Variants in HSP90AA1 observed in about 807,000 individuals in gnomAD.
The protein encoded by HSP90AA1 is heat shock protein HSP 90-alpha.
A neutral mutation model predicts 73.3 loss-of-function variants in HSP90AA1; 18 were observed. The observed-to-expected ratio is 0.25, with a 90% CI of 0.17 to 0.36. The LOEUF is 0.36. Among genes scored for constraint, HSP90AA1 ranks in the 10% least tolerant of loss-of-function variants. The probability of loss-of-function intolerance (pLI) is 1.00; values close to 1 mark genes in which losing one functional copy is unlikely to be tolerated. For missense variants in HSP90AA1, 704 were observed against 874.2 expected (o/e 0.81, Z 2.45); for synonymous variants, 477 against 296.9 (o/e 1.61, Z -6.24).
chr14:102,091,274 A>G (rs1259468228), upstream of HSP90AA1, among the ~76,000 whole-genome samples: 3 of 152,118 alleles, frequency 2.0e-5, no homozygotes, highest in African/African-American at 7.2e-5. Flanking sequence ...ACCCAGAGCA[A>G]GGGCCTCCAG....
chr14:102,083,837 C>CTT lies in HSP90AA1; in HGVS notation c.1292_1293dup (p.Glu432LysfsTer15), dbSNP rs2049155270. 1 of 1,613,302 alleles carries CTT rather than the reference C, an allele frequency of 6.2e-7. No homozygotes were observed. The highest frequency in any genetic ancestry group is 8.5e-7 in the Non-Finnish European group (1 of 1,179,862). ...TGCTCATAGAATTTCTTGTAGTTCT[C>CTT]TTTATCTTCCGCCAGTTCAGTAAAG... On this transcript the variant is annotated frameshift_variant, in exon 7 of 11. Transcript: ENST00000216281. LOFTEE classifies it high-confidence loss of function.
chr14:102,129,756 GC>G (rs2049884985), intron 1 of HSP90AA1, among the ~76,000 whole-genome samples: 2 of 151,458 alleles, frequency 1.3e-5, no homozygotes, highest in Admixed American at 1.3e-4. Flanking sequence ...GCCTGCCTTG[GC>G]CTCCCAAAGT....
intron 2 of HSP90AA1, chr14:102,101,805 T>G: frequency 6.4e-6 from 8 of 1,244,678 alleles, no homozygotes; most frequent in Non-Finnish European, 5.9e-6. Context: ...CAACCACCGG[T>G]TGGTTGGATG....
intron 1 of HSP90AA1, among the ~76,000 whole-genome samples, chr14:102,116,538 C>T (rs1192193621): frequency 6.6e-6 from 1 of 152,174 alleles, no homozygotes; most frequent in African/African-American, 2.4e-5. Flanking sequence ...ACTGTGCTGC[C>T]CCCACCCTTG....
chr14:102,106,571 G>C (rs1272483989), intron 1 of HSP90AA1, among the ~76,000 whole-genome samples: 3 of 123,340 alleles, frequency 2.4e-5, no homozygotes, highest in Non-Finnish European at 4.8e-5. Flanking sequence ...TTGAGACAGA[G>C]TCTCTCTCTG....
In HSP90AA1 at chr14:102,121,018, CACAT is replaced by C. The variant is rs1234083649; in HGVS notation, c.155+18228_155+18231del. 7.2e-4 allele frequency among the ~76,000 whole-genome samples: 105 copies of C among 145,730 alleles called. 1 individual carries two copies. Among genetic ancestry groups the C allele is most frequent in the African/African-American group, 2.1e-3 (77 of 37,294 alleles). ...CAACATACACACACACACACACACACACATACACACACACACACACACACGTAAA... is the reference window on the plus strand; with the variant it reads ...CAACATACACACACACACACACACACACACACACACACACACACACGTAAA... On this transcript the variant is annotated intron_variant, in intron 1 of 11. Transcript: ENST00000334701.
At position 102,084,450 on chromosome 14, in the gene HSP90AA1, G is replaced by A; in HGVS notation, c.1096C>T (p.Arg366Cys). The change falls in exon 6 of 11, where the codon CGC (arginine) becomes TGC (cysteine). Residue 366 changes from arginine (R) to cysteine (C), a missense_variant. Physicochemically the swap from Arg to Cys is radical, Grantham distance 180. Coordinates refer to ENST00000216281, the MANE Select transcript of HSP90AA1 (RefSeq NM_005348.4). ...KKKNNIKLYV[R>C]RVFIMDNCEE... is the part of the protein sequence containing the mutation. ...CAGTTATCCATGATGAAAACTCTGC[G>A]TACATACAATTTGATGTTGTTCTTT... The A allele has an allele frequency of 4.3e-6, 7 of 1,613,202 alleles. No homozygotes were observed. Among genetic ancestry groups the A allele is most frequent in the Non-Finnish European group, 5.9e-6 (7 of 1,179,188 alleles).
At chr14:102,096,789 A>G (rs1057444921) in intron 2 of HSP90AA1, among the ~76,000 whole-genome samples, 6 of 152,168 alleles carry the variant, frequency 3.9e-5, no homozygotes, top group African/African-American at 9.7e-5. Flanking sequence ...TTGGTTGTAT[A>G]TGGGGCCTCC....
chr14:102,092,686 T>C (rs1220333045), intron 2 of HSP90AA1, among the ~76,000 whole-genome samples: 2 of 152,212 alleles, frequency 1.3e-5, no homozygotes, highest in Non-Finnish European at 2.9e-5. Flanking sequence ...ATTTTGATTG[T>C]AGTGATGGTT....
intron 1 of HSP90AA1, among the ~76,000 whole-genome samples, chr14:102,107,040 C>G: frequency 6.6e-6 from 1 of 152,130 alleles, no homozygotes; most frequent in South Asian, 2.1e-4. Flanking sequence ...AAGCATAGAT[C>G]TACTGCTTAG....
chr14:102,112,845 AAG>A (rs1339741690), intron 1 of HSP90AA1, among the ~76,000 whole-genome samples: 1 of 152,152 alleles, frequency 6.6e-6, no homozygotes, highest in African/African-American at 2.4e-5. Flanking sequence ...TTTAATATTC[AAG>A]AGGTTTTTTA....
intron 1 of HSP90AA1, chr14:102,102,177 A>G: frequency 9.8e-7 from 1 of 1,021,820 alleles, no homozygotes; most frequent in Non-Finnish European, 1.5e-6. Flanking sequence ...CCAAGCAGGC[A>G]TGCCCTGGCT....
At chr14:102,087,234 G>A (rs1285503686), upstream of HSP90AA1, 12 of 890,994 alleles carry the variant, frequency 1.3e-5, no homozygotes, top group Non-Finnish European at 1.6e-5. Flanking sequence ...GGCCCTGCTC[G>A]TGGCCCGGCC....
In HSP90AA1 at chr14:102,099,448, C is replaced by T. The variant is rs139735485; in HGVS notation, c.366+2427G>A. On this transcript the variant is annotated intron_variant, in intron 2 of 11. Transcript: ENST00000334701. ...TGGCGCATGCCTGTAATCCCAGCTACTTGGGAGGCTGAGGCAGGAGAATCA... is the reference window on the plus strand; with the variant it reads ...TGGCGCATGCCTGTAATCCCAGCTATTTGGGAGGCTGAGGCAGGAGAATCA... Among the ~76,000 whole-genome samples the T allele has an allele frequency of 2.8e-3, 421 of 152,236 alleles. 1 individual carries two copies. Among genetic ancestry groups the T allele is most frequent in the African/African-American group, 9.4e-3 (392 of 41,526 alleles).
At chr14:102,099,662 G>A (rs575739176) in intron 2 of HSP90AA1, among the ~76,000 whole-genome samples, 5 of 152,336 alleles carry the variant, frequency 3.3e-5, no homozygotes, top group Middle Eastern at 3.4e-3. Context: ...AATGTGACAC[G>A]TGTGTTTAGG....
In HSP90AA1 at chr14:102,084,995, C is replaced by T. The variant is rs761371633; in HGVS notation, c.667G>A (p.Glu223Lys). The stretch of plus-strand genomic sequence containing the variant: ...CTTACTTCTTTATCACGTTCCTTCT[C>T]CACCTTCAAAAGAAAACACGAAATC... ...FIGYPITLFV[E>K]KERDKEVSDD... The change falls in exon 5 of 11, where the codon GAG becomes AAG. Residue 223 changes from glutamate to lysine, a missense_variant. Physicochemically the swap from Glu to Lys is moderately conservative, Grantham distance 56 (BLOSUM62 1). Transcript: ENST00000216281. 1.2e-6 allele frequency: 2 copies of T among 1,613,732 alleles called. No homozygotes were observed. Among genetic ancestry groups the T allele is most frequent in the South Asian group, 2.2e-5 (2 of 91,060 alleles).
intron 6 of HSP90AA1, 27 bp downstream of exon 6, chr14:102,084,372 G>A (rs779187991): frequency 1.4e-5 from 23 of 1,594,686 alleles, no homozygotes; most frequent in African/African-American, 4.0e-5. Context: ...ATCAGTGACA[G>A]TGATTATTTT....
At chr14:102,090,489 G>A (rs1003777232), upstream of HSP90AA1, among the ~76,000 whole-genome samples, 1 of 147,826 alleles carries the variant, frequency 6.8e-6, no homozygotes, top group Admixed American at 6.8e-5. Flanking sequence ...TTGCTCTGTC[G>A]CCCAGGCTGG....
rs750386688 is a variant in HSP90AA1, at chr14:102,083,275, G to A, written c.1514C>T (p.Ser505Leu). 2 of 1,614,144 alleles carry A rather than the reference G, an allele frequency of 1.2e-6. No homozygotes were observed. The highest frequency in any genetic ancestry group is 1.7e-6 in the Non-Finnish European group (2 of 1,180,028). The change falls in exon 9 of 11, where the codon TCA (serine) becomes TTA (leucine). Residue 505 changes from serine to leucine, a missense_variant. Transcript: ENST00000216281. ...TTTCCGAAGACGTTCCACAAAGGCTGAGTTAGCTACCTGGTCCTTGGTCTC... is the reference window on the plus strand; with the variant it reads ...TTTCCGAAGACGTTCCACAAAGGCTAAGTTAGCTACCTGGTCCTTGGTCTC... The part of the protein sequence containing the change: ...TGETKDQVAN[S>L]AFVERLRKHG...
Sources: gnomAD v4.1 joint callset for allele counts (sites outside exome capture counted in the v4.1 genomes callset) on GRCh38, gnomAD v4.1.1 for gene constraint, MANE v1.5 for transcripts, NCBI Gene and HGNC (gene_info 2026-07-23, HGNC 2026-07-21) for gene names.